PPP1R9A: variants seen among roughly 807,000 people sequenced by gnomAD.
PPP1R9A encodes the protein protein phosphatase 1 regulatory subunit 9A.
Under a neutral mutation model 141.9 loss-of-function variants are expected in PPP1R9A, and 59 were observed. That is an observed-to-expected ratio of 0.42 (90% CI 0.34 to 0.52). PPP1R9A has a LOEUF of 0.52. Ranked by LOEUF, PPP1R9A falls within the 20% of genes least tolerant of loss-of-function variation. The pLI is 0.10. For synonymous variants in PPP1R9A, 500 were observed against 569.7 expected (o/e 0.88, Z 1.74); for missense variants, 1,444 against 1,611.9 (o/e 0.90, Z 1.78).
Position 95,217,267 on chromosome 7 carries a change from C to T in PPP1R9A, c.1957-8694C>T, listed in dbSNP as rs569958360. Among the ~76,000 whole-genome samples, 9 of 152,190 alleles carry T rather than the reference C, an allele frequency of 5.9e-5. No homozygotes were observed. In the South Asian group the frequency reaches 1.9e-3, roughly 32 times the overall value. ...TTGGTTCTGTTTACATGCTGGATTA[C>T]GTTTATTGATTTGCGTGTGAGGAAC... On this transcript the variant is annotated intron_variant, in intron 7 of 19. Transcript: ENST00000433360.
intron 8 of PPP1R9A, among the ~76,000 whole-genome samples, chr7:95,226,671 G>A (rs910897766): frequency 4.6e-5 from 7 of 152,164 alleles, no homozygotes; most frequent in African/African-American, 1.7e-4. Flanking sequence ...ACTGGTAAAA[G>A]CTGCATCCTT....
chr7:95,038,111 TAA>T (rs11438512), intron 2 of PPP1R9A, among the ~76,000 whole-genome samples: 1 of 142,766 alleles, frequency 7.0e-6, no homozygotes, highest in Non-Finnish European at 1.5e-5. Flanking sequence ...GACCATGTCT[TAA>T]AAAAAAAAAA....
intron 2 of PPP1R9A, among the ~76,000 whole-genome samples, chr7:95,048,707 T>A (rs1478615940): frequency 1.3e-5 from 2 of 152,008 alleles, no homozygotes; most frequent in African/African-American, 4.8e-5. Flanking sequence ...CACGCCGAGC[T>A]AATTTTTTGT....
chr7:94,935,597 A>T (rs1794685302), intron 2 of PPP1R9A, among the ~76,000 whole-genome samples: 1 of 152,200 alleles, frequency 6.6e-6, no homozygotes, highest in Non-Finnish European at 1.5e-5. Flanking sequence ...GATAAAAATT[A>T]TTGTTGTACA....
At chr7:95,098,687 A>T (rs1216388363) in intron 2 of PPP1R9A, among the ~76,000 whole-genome samples, 2 of 151,836 alleles carry the variant, frequency 1.3e-5, no homozygotes, top group Non-Finnish European at 2.9e-5. Flanking sequence ...GTTTCTGATG[A>T]CCTCCTTGAA....
chr7:95,106,663 AT>A (rs1394437041), intron 2 of PPP1R9A, among the ~76,000 whole-genome samples: 7 of 152,206 alleles, frequency 4.6e-5, no homozygotes, highest in Non-Finnish European at 1.0e-4. Context: ...ATTTGCAAGT[AT>A]TTCTGTAAAC....
chr7:95,120,085 T>C (rs1407804089), intron 3 of PPP1R9A, among the ~76,000 whole-genome samples: 2 of 151,016 alleles, frequency 1.3e-5, no homozygotes, highest in Non-Finnish European at 1.5e-5. Context: ...ACCTCCCAAG[T>C]AGCTGGGACT....
rs145997994 is a variant in PPP1R9A at position 94,950,325 on chromosome 7, G to T, written c.1395+38817G>T. ...CCATGTAAGCAGGATTCTGCTTCTGGGGTCTCTTTTCTGTCATGATGCTTT... is the reference window on the plus strand; with the variant it reads ...CCATGTAAGCAGGATTCTGCTTCTGTGGTCTCTTTTCTGTCATGATGCTTT... On this transcript the variant is annotated intron_variant, in intron 2 of 19. Transcript: ENST00000433360. 2.1e-3 allele frequency among the ~76,000 whole-genome samples: 312 copies of T among 151,910 alleles called. 2 individuals are homozygous for T. The highest frequency in any genetic ancestry group is 6.7e-3 in the African/African-American group (276 of 41,456).
chr7:94,965,168 GT>G (rs904487170), intron 2 of PPP1R9A, among the ~76,000 whole-genome samples: 2 of 149,644 alleles, frequency 1.3e-5, no homozygotes, highest in Admixed American at 6.6e-5. Context: ...GGGGTTGTTT[GT>G]TTTTTTTTCT....
intron 12 of PPP1R9A, among the ~76,000 whole-genome samples, chr7:95,259,903 A>AAT (rs1800168164): frequency 6.6e-6 from 1 of 151,994 alleles, no homozygotes; most frequent in Non-Finnish European, 1.5e-5. Flanking sequence ...CCTTTTTAAA[A>AAT]ATATATATAT....
intron 2 of PPP1R9A, among the ~76,000 whole-genome samples, chr7:95,031,515 G>A (rs1157563990): frequency 6.6e-6 from 1 of 152,122 alleles, no homozygotes; most frequent in Non-Finnish European, 1.5e-5. Context: ...AGTACTTTAG[G>A]AGTTTCAGGT....
chr7:94,993,925 G>A (rs562686943), intron 2 of PPP1R9A, among the ~76,000 whole-genome samples: 5 of 152,216 alleles, frequency 3.3e-5, no homozygotes, highest in African/African-American at 9.6e-5. Context: ...AGACATCTTT[G>A]TCATATTCCT....
At chr7:95,215,706 A>G (rs1793219016) in intron 7 of PPP1R9A, among the ~76,000 whole-genome samples, 1 of 152,134 alleles carries the variant, frequency 6.6e-6, no homozygotes, top group African/African-American at 2.4e-5. Context: ...TTTGATTTGC[A>G]TTTCTCTGAT....
chr7:95,107,618 G>A (rs905577786), intron 2 of PPP1R9A, among the ~76,000 whole-genome samples: 1 of 151,962 alleles, frequency 6.6e-6, no homozygotes, highest in Non-Finnish European at 1.5e-5. Context: ...ACTCTAATTT[G>A]AATAGAAAAG....
At chr7:95,282,892 GT>G in intron 16 of PPP1R9A, among the ~76,000 whole-genome samples, 1 of 152,286 alleles carries the variant, frequency 6.6e-6, no homozygotes, top group South Asian at 2.1e-4. Flanking sequence ...AATGGGAATT[GT>G]TAGGTGTTAT....
intron 4 of PPP1R9A, among the ~76,000 whole-genome samples, chr7:95,141,875 T>C (rs1289004400): frequency 6.6e-6 from 1 of 152,196 alleles, no homozygotes; most frequent in African/African-American, 2.4e-5. Flanking sequence ...TTTTCATTTC[T>C]CTTGGGAATA....
At chr7:94,931,291 A>C (rs1794125593) in intron 2 of PPP1R9A, among the ~76,000 whole-genome samples, 2 of 152,210 alleles carry the variant, frequency 1.3e-5, no homozygotes, top group African/African-American at 4.8e-5. Flanking sequence ...CTCCTAAGTT[A>C]CAGGAACGCT....
intron 7 of PPP1R9A, among the ~76,000 whole-genome samples, chr7:95,214,942 G>T (rs146392788): frequency 2.0e-3 from 310 of 151,982 alleles, no homozygotes; most frequent in Non-Finnish European, 3.5e-3. Flanking sequence ...TAGACAATGA[G>T]AATGGAGTGA....
At chr7:95,212,699 A>G (rs1052239928) in intron 7 of PPP1R9A, among the ~76,000 whole-genome samples, 3 of 152,040 alleles carry the variant, frequency 2.0e-5, no homozygotes, top group Non-Finnish European at 2.9e-5. Flanking sequence ...TAACCCCTAG[A>G]CTTCCTCCTT....
Sources: allele counts gnomAD v4.1 joint callset (sites outside exome capture counted in the v4.1 genomes callset), GRCh38; gene constraint gnomAD v4.1.1; transcripts MANE v1.5; gene names NCBI Gene and HGNC (gene_info 2026-07-23, HGNC 2026-07-21).